CNTN5: variants seen among roughly 807,000 people sequenced by gnomAD.
CNTN5 encodes contactin 5, also known as contactin-5.
Under a neutral mutation model 129.1 loss-of-function variants are expected in CNTN5, and 77 were observed. That is an observed-to-expected ratio of 0.60 (90% confidence interval 0.50 to 0.72). The LOEUF (loss-of-function observed/expected upper bound fraction) is 0.72, where lower values mean the gene tolerates loss of function less well. Among genes scored for constraint, CNTN5 ranks in the 30% least tolerant of loss-of-function variants. The probability of loss-of-function intolerance (pLI) is 0.00; values close to 1 mark genes in which losing one functional copy is unlikely to be tolerated. For missense variants in CNTN5, 1,478 were observed against 1,328.8 expected (o/e 1.11, Z -1.75); for synonymous variants, 509 against 465.6 (o/e 1.09, Z -1.20).
intron 13 of CNTN5, among the ~76,000 whole-genome samples, chr11:100,178,587 A>G (rs1044192517): frequency 2.0e-5 from 3 of 152,200 alleles, no homozygotes; most frequent in Admixed American, 6.6e-5. Flanking sequence ...GGCATAGCAC[A>G]AGATATACAC....
chr11:99,739,414 G>C (rs1943819987), intron 3 of CNTN5, among the ~76,000 whole-genome samples: 1 of 151,816 alleles, frequency 6.6e-6, no homozygotes, highest in African/African-American at 2.4e-5. Context: ...AAGACAGATT[G>C]TATTTTTTCG....
rs776098792 is a variant in CNTN5 at position 99,919,548 on chromosome 11, C to T, written c.673+3399C>T. On this transcript the variant is annotated intron_variant, in intron 7 of 24. Coordinates refer to ENST00000524871, the MANE Select transcript of CNTN5 (RefSeq NM_014361.4). ...CCTCTCAGTCAGTCTGTGTGTTTCTCTCTCTTCCCCCTATTTTTGTCTCTA... is the reference window on the plus strand; with the variant it reads ...CCTCTCAGTCAGTCTGTGTGTTTCTTTCTCTTCCCCCTATTTTTGTCTCTA... Among the ~76,000 whole-genome samples, 6 of 152,138 alleles carry T rather than the reference C, an allele frequency of 3.9e-5. No homozygotes were observed. The East Asian group carries it at 7.7e-4, about 20-fold the overall frequency.
intron 13 of CNTN5, among the ~76,000 whole-genome samples, chr11:100,190,574 T>C (rs1163831518): frequency 6.6e-6 from 1 of 152,086 alleles, no homozygotes; most frequent in Admixed American, 6.6e-5. Context: ...TATTCTTATG[T>C]TTAGAAAGTG....
intron 1 of CNTN5, among the ~76,000 whole-genome samples, chr11:99,152,968 C>T (rs139253520): frequency 6.6e-6 from 1 of 152,304 alleles, no homozygotes; most frequent in African/African-American, 2.4e-5. Flanking sequence ...TGAATCTAGG[C>T]CTCCAGTCTC....
In CNTN5 at chr11:100,061,240, G is replaced by C; in HGVS notation, c.1009G>C (p.Val337Leu). 1 of 1,612,748 alleles carries C rather than the reference G, an allele frequency of 6.2e-7. No individual in the cohort carries two copies. The change falls in exon 10 of 25, where the codon GTT becomes CTT. Residue 337 changes from valine to leucine, a missense_variant. Val to Leu is a conservative substitution (Grantham distance 32, BLOSUM62 1). Coordinates refer to ENST00000524871, the MANE Select transcript of CNTN5 (RefSeq NM_014361.4). ...CGTTCCAACAATCACATGGATGAAG[G>C]TTAATGGTTATATTCCTAGTAAGGC... ...NPVPTITWMK[V>L]NGYIPSKARL...
chr11:99,995,916 A>G (rs1361768735), intron 8 of CNTN5, among the ~76,000 whole-genome samples: 1 of 152,088 alleles, frequency 6.6e-6, no homozygotes, highest in Non-Finnish European at 1.5e-5. Context: ...CCTCTAAATG[A>G]CTGTAGGTGT....
At chr11:99,432,429 C>CCTTTTCTTTCCTTTTCTTTCCTTTT (rs1943410612) in intron 2 of CNTN5, among the ~76,000 whole-genome samples, 1 of 125,364 alleles carries the variant, frequency 8.0e-6, no homozygotes, top group African/African-American at 2.9e-5. Context: ...CTTTTCTTTT[C>CCTTTTCTTTCCTTTTCTTTCCTTTT]CTTTTCTTTC....
intron 1 of CNTN5, among the ~76,000 whole-genome samples, chr11:99,046,415 A>C (rs1364862412): frequency 3.3e-5 from 5 of 152,280 alleles, no homozygotes; most frequent in Middle Eastern, 3.4e-3. Context: ...AATACTATAA[A>C]TATAGGATAT....
intron 3 of CNTN5, among the ~76,000 whole-genome samples, chr11:99,583,528 G>C (rs1565320752): frequency 1.3e-5 from 2 of 152,204 alleles, no homozygotes; most frequent in Admixed American, 6.5e-5. Flanking sequence ...GCAATGGTGG[G>C]TGCCCCTCCC....
chr11:100,161,218 G>C (rs908496493), intron 13 of CNTN5, among the ~76,000 whole-genome samples: 3 of 151,838 alleles, frequency 2.0e-5, no homozygotes, highest in African/African-American at 7.3e-5. Flanking sequence ...CTCTTCACAA[G>C]AGAGCTGTAT....
intron 1 of CNTN5, among the ~76,000 whole-genome samples, chr11:99,290,426 A>G (rs1864119783): frequency 1.3e-5 from 2 of 151,982 alleles, no homozygotes; most frequent in Non-Finnish European, 3.0e-5. Context: ...TTGAGTAAAC[A>G]CAAGTACTCA....
At chr11:100,194,582 T>TTAAAGGTTATGGGATAC (rs1948585307) in intron 15 of CNTN5, among the ~76,000 whole-genome samples, 1 of 151,306 alleles carries the variant, frequency 6.6e-6, no homozygotes, top group African/African-American at 2.4e-5. Context: ...GGATTTTATT[T>TTAAAGGTTATGGGATAC]TAAAGGTTAT....
intron 13 of CNTN5, among the ~76,000 whole-genome samples, chr11:100,126,100 A>G (rs1460617565): frequency 6.6e-6 from 1 of 151,952 alleles, no homozygotes; most frequent in Non-Finnish European, 1.5e-5. Context: ...TTTCCATGCA[A>G]TTGTGTGGTT....
In CNTN5 at chr11:99,658,045, CTT is replaced by C. The variant is rs143095364; in HGVS notation, c.55+101778_55+101779del. 3.4e-3 allele frequency among the ~76,000 whole-genome samples: 517 copies of C among 152,072 alleles called. 6 individuals carry two copies. The highest frequency in any genetic ancestry group is 0.012 in the African/African-American group (498 of 41,528). ...TTTATTAATTTAAATATTTATGAAT[CTT>C]TAAGTTGTATCAAACACCTTTTTAG... On this transcript the variant is annotated intron_variant, in intron 3 of 24. Transcript: ENST00000524871.
In CNTN5 at chr11:100,310,198, C is replaced by T. The variant is rs142811752; in HGVS notation, c.2730+1730C>T. Among the ~76,000 whole-genome samples the T allele has an allele frequency of 1.5e-3, 223 of 151,996 alleles. 1 individual carries two copies. The highest frequency in any genetic ancestry group is 5.1e-3 in the African/African-American group (213 of 41,506). On this transcript the variant is annotated intron_variant, in intron 21 of 24. Transcript: ENST00000524871. Reference sequence around the variant, plus strand: ...GTGAATTCACTCTAAACCTCTGAATCGGAACATCTGGGGCAGACGTCTGGT... The same window carrying T: ...GTGAATTCACTCTAAACCTCTGAATTGGAACATCTGGGGCAGACGTCTGGT...
intron 1 of CNTN5, among the ~76,000 whole-genome samples, chr11:99,261,863 C>T (rs1862644103): frequency 6.6e-6 from 1 of 151,920 alleles, no homozygotes; most frequent in Non-Finnish European, 1.5e-5. Context: ...GTCTAAATCC[C>T]TGTAAATTCT....
chr11:99,867,484 G>A (rs544975284), intron 6 of CNTN5, among the ~76,000 whole-genome samples: 3 of 152,302 alleles, frequency 2.0e-5, no homozygotes, highest in Non-Finnish European at 2.9e-5. Flanking sequence ...TGGTGGGACT[G>A]CATTCCATTA....
chr11:99,887,198 C>A (rs1049374970), intron 6 of CNTN5, among the ~76,000 whole-genome samples: 1 of 152,224 alleles, frequency 6.6e-6, no homozygotes, highest in East Asian at 1.9e-4. Context: ...CCTGCTTTCC[C>A]TAAGGCAGTC....
chr11:99,673,592 C>T (rs1953141116), intron 3 of CNTN5, among the ~76,000 whole-genome samples: 1 of 152,084 alleles, frequency 6.6e-6, no homozygotes, highest in South Asian at 2.1e-4. Flanking sequence ...CCTCTCCCTC[C>T]TCCCACCATC....
Sources: gnomAD v4.1 joint callset for allele counts (sites outside exome capture counted in the v4.1 genomes callset) on GRCh38, gnomAD v4.1.1 for gene constraint, MANE v1.5 for transcripts, NCBI Gene and HGNC (gene_info 2026-07-23, HGNC 2026-07-21) for gene names.